Variants in PRDM10 observed in about 807,000 individuals in gnomAD.
PRDM10 encodes the protein PR/SET domain 10, also known as PR domain zinc finger protein 10.
PRDM10 carries 65 observed loss-of-function variants against 133.1 expected under a neutral mutation model. The ratio of observed to expected loss-of-function variants is 0.49; its 90% CI spans 0.40 to 0.60. PRDM10 has a LOEUF of 0.60. Among genes scored for constraint, PRDM10 ranks in the 20% least tolerant of loss-of-function variants. The probability of loss-of-function intolerance (pLI) is 0.00; values close to 1 mark genes in which losing one functional copy is unlikely to be tolerated. For missense variants in PRDM10, 1,137 were observed against 1,507.1 expected (o/e 0.75, Z 4.07); for synonymous variants, 582 against 580.4 (o/e 1.00, Z -0.04).
At chr11:129,961,744 T>C (rs1951800370) in intron 1 of PRDM10, among the ~76,000 whole-genome samples, 1 of 152,118 alleles carries the variant, frequency 6.6e-6, no homozygotes, top group South Asian at 2.1e-4. Context: ...ATGTATTGCA[T>C]GCTTGCTATG....
At chr11:130,000,760 G>A (rs1239547304) in intron 1 of PRDM10, among the ~76,000 whole-genome samples, 1 of 152,154 alleles carries the variant, frequency 6.6e-6, no homozygotes, top group Non-Finnish European at 1.5e-5. Context: ...AAACGTCCCT[G>A]TTCACTTTAA....
intron 4 of PRDM10, among the ~76,000 whole-genome samples, chr11:129,953,915 TATTA>T (rs1339420806): frequency 1.4e-5 from 2 of 146,968 alleles, no homozygotes; most frequent in East Asian, 3.9e-4. Context: ...AAAATATATA[TATTA>T]TATATATATA....
Position 129,931,023 on chromosome 11 carries a change from C to T in PRDM10, c.1523G>A (p.Arg508His), listed in dbSNP as rs1460373716. ...CCGGCTTTCCCCACTTACTCGGATG[C>T]GCTTGGCTCTGCGCATGTCGTCGGC... is the stretch of plus-strand genomic sequence containing the variant. ...LTADDMRRAK[R>H]IRNAALQHLF... Residue 508 changes from arginine (R) to histidine (H), a missense_variant, in exon 11 of 21, where the codon CGC becomes CAC. Physicochemically the swap from Arg to His is conservative, Grantham distance 29 (BLOSUM62 0). Around this residue, in one of 6 missense-constraint regions of PRDM10, gnomAD observed 635 missense variants for 835.2 expected, o/e 0.76. Transcript: ENST00000360871. The T allele has an allele frequency of 1.9e-6, 3 of 1,608,270 alleles. No homozygotes were observed. Among genetic ancestry groups the T allele is most frequent in the Admixed American group, 1.7e-5 (1 of 59,482 alleles).
intron 4 of PRDM10, among the ~76,000 whole-genome samples, chr11:129,950,103 G>A (rs2135895180): frequency 6.6e-6 from 1 of 151,926 alleles, no homozygotes; most frequent in Non-Finnish European, 1.5e-5. Flanking sequence ...GGGCAGTGGT[G>A]GCACGTGCCT....
At chr11:129,924,357 G>A (rs1299255725) in intron 12 of PRDM10, among the ~76,000 whole-genome samples, 1 of 152,196 alleles carries the variant, frequency 6.6e-6, no homozygotes, top group Non-Finnish European at 1.5e-5. Context: ...ATGAAATCAT[G>A]AGTATTCTGA....
chr11:129,914,214 C>G (rs1361933646), intron 17 of PRDM10, among the ~76,000 whole-genome samples: 1 of 152,202 alleles, frequency 6.6e-6, no homozygotes, highest in East Asian at 1.9e-4. Flanking sequence ...GTTGGCCAGG[C>G]TGGTCTCGAA....
intron 1 of PRDM10, among the ~76,000 whole-genome samples, chr11:129,966,982 C>A (rs1303915293): frequency 6.6e-6 from 1 of 152,176 alleles, no homozygotes; most frequent in East Asian, 1.9e-4. Context: ...CAATCTATTT[C>A]TCTTTATATT....
intron 1 of PRDM10, among the ~76,000 whole-genome samples, chr11:129,961,843 G>A (rs930497159): frequency 6.6e-6 from 1 of 151,976 alleles, no homozygotes; most frequent in Non-Finnish European, 1.5e-5. Context: ...ATACATAAAT[G>A]TGTGCATGTT....
At chr11:129,978,492 AACC>A (rs1242153069) in intron 1 of PRDM10, among the ~76,000 whole-genome samples, 1 of 152,224 alleles carries the variant, frequency 6.6e-6, no homozygotes, top group African/African-American at 2.4e-5. Context: ...GATACTGTAT[AACC>A]AGAAGAGAAC....
intron 10 of PRDM10, among the ~76,000 whole-genome samples, chr11:129,931,594 A>C: frequency 6.9e-6 from 1 of 144,196 alleles, no homozygotes; most frequent in East Asian, 2.0e-4. Context: ...TTTGAGACGG[A>C]GTCTCGCTCT....
At chr11:129,940,460 T>C (rs1951171448) in intron 7 of PRDM10, among the ~76,000 whole-genome samples, 1 of 152,260 alleles carries the variant, frequency 6.6e-6, no homozygotes, top group African/African-American at 2.4e-5. Context: ...TTTTCAACAT[T>C]CACATTCATT....
At chr11:129,974,752 C>G (rs1937661084) in intron 1 of PRDM10, among the ~76,000 whole-genome samples, 1 of 152,212 alleles carries the variant, frequency 6.6e-6, no homozygotes. Context: ...ACCCGATATG[C>G]TGCTCTTCAA....
At chr11:129,970,410 C>T (rs147607294) in intron 1 of PRDM10, among the ~76,000 whole-genome samples, 25 of 152,296 alleles carry the variant, frequency 1.6e-4, no homozygotes, top group Admixed American at 1.3e-3. Context: ...AACCTGGGCA[C>T]GAGGCCGCCT....
At position 129,918,652 on chromosome 11, in the gene PRDM10, C is replaced by T. The variant is rs1231766811; in HGVS notation, c.2101G>A (p.Asp701Asn). Residue 701 changes from aspartate to asparagine, a missense_variant, in exon 14 of 21, where the codon GAC becomes AAC. Coordinates refer to ENST00000360871, the MANE Select transcript of PRDM10 (RefSeq NM_199437.2). The surrounding 1 kb of genome is among the most constrained non-coding windows in gnomAD (Gnocchi z 5.3). ...AACGTCTTGGAGCGGCTGATGCGGT[C>T]GGCTTTCTTGGCCTCCCTCTCAGGA... ...HNPEREAKKA[D>N]RISRSKTFKP... 4.3e-6 allele frequency: 7 copies of T among 1,614,020 alleles called. No homozygotes were observed. Among genetic ancestry groups the T allele is most frequent in the East Asian group, 2.2e-5 (1 of 44,890 alleles).
intron 11 of PRDM10, among the ~76,000 whole-genome samples, chr11:129,929,964 C>T (rs1262338328): frequency 6.6e-6 from 1 of 152,158 alleles, no homozygotes; most frequent in Non-Finnish European, 1.5e-5. Flanking sequence ...AAATAATATA[C>T]AGTGAGCTGA....
chr11:129,971,235 G>A (rs1045569275), intron 1 of PRDM10, among the ~76,000 whole-genome samples: 5 of 152,160 alleles, frequency 3.3e-5, no homozygotes, highest in Non-Finnish European at 5.9e-5. Flanking sequence ...AAGCTCCCAC[G>A]GTGTGGAAGG....
At chr11:129,983,348 G>A (rs1285066608) in intron 1 of PRDM10, among the ~76,000 whole-genome samples, 1 of 149,794 alleles carries the variant, frequency 6.7e-6, no homozygotes, top group Admixed American at 6.7e-5. Flanking sequence ...AGGCTGGAGT[G>A]CAGTGGCGCG....
At chr11:129,929,990 C>T (rs1039511457) in intron 11 of PRDM10, among the ~76,000 whole-genome samples, 2 of 152,150 alleles carry the variant, frequency 1.3e-5, no homozygotes, top group African/African-American at 2.4e-5. Context: ...TCATATGTTT[C>T]GATTACAGGG....
chr11:129,947,693 C>G lies in PRDM10; in HGVS notation c.295-323G>C, dbSNP rs1313330414. On this transcript the variant is annotated intron_variant, in intron 4 of 20. Coordinates refer to ENST00000360871, the MANE Select transcript of PRDM10 (RefSeq NM_199437.2). This position sits in a 1 kb window ranked among gnomAD's most constrained non-coding sequence, Gnocchi z 4.6. The stretch of plus-strand genomic sequence containing the variant: ...TCAACACTGGCAAGGCCCTGACCAC[C>G]TGCGTCCTGACCCCACCCCTAAAAC... 3 of 607,436 alleles carry G rather than the reference C, an allele frequency of 4.9e-6. No homozygotes were observed. The Admixed American group carries it at 1.0e-4, about 20-fold the overall frequency. 37.6% of individuals were successfully genotyped at this position (607,436 alleles called of 1,614,324 possible). A position where few individuals can be genotyped will look rare whatever the true frequency, so the allele number is the denominator to read the frequency against.
Sources: gnomAD v4.1 joint callset for allele counts (sites outside exome capture counted in the v4.1 genomes callset) on GRCh38, gnomAD v4.1.1 for gene constraint, gnomAD v4.1.1 regional missense constraint, Gnocchi (gnomAD v3.1) non-coding constraint, MANE v1.5 for transcripts, NCBI Gene and HGNC (gene_info 2026-07-23, HGNC 2026-07-21) for gene names.